The following KANK1 variants were observed in gnomAD, a reference collection of about 807,000 sequenced individuals.
The protein encoded by KANK1 is KN motif and ankyrin repeat domains 1.
KANK1 carries 109 observed loss-of-function variants against 106.2 expected under a neutral mutation model. The observed-to-expected ratio is 1.03, with a 90% CI of 0.88 to 1.20. The LOEUF (loss-of-function observed/expected upper bound fraction) is 1.20. Among genes scored for constraint, KANK1 ranks in the 50% most tolerant of loss-of-function variants. The pLI, the probability that KANK1 is intolerant of heterozygous loss-of-function variation, is 0.00. For missense variants in KANK1, 2,399 were observed against 1,710.7 expected (o/e 1.40, Z -7.10); for synonymous variants, 873 against 652.2 (o/e 1.34, Z -5.16).
chr9:591,093 C>G (rs1245869773), intron 1 of KANK1, among the ~76,000 whole-genome samples: 1 of 151,666 alleles, frequency 6.6e-6, no homozygotes, highest in Non-Finnish European at 1.5e-5. Context: ...GTTTTCTGTT[C>G]ATATCCTTTG....
rs1278223475 is a variant in KANK1 at position 598,713 on chromosome 9, C to G, written c.-83-78177C>G. Among the ~76,000 whole-genome samples the G allele has an allele frequency of 2.2e-5, 3 of 133,936 alleles. No individual in the cohort carries two copies. In the East Asian group the frequency reaches 6.3e-4, roughly 28 times the overall value. The allele number at this position is 133,936 out of a possible 152,430, so 87.9% of individuals were successfully genotyped here. A position where few individuals can be genotyped will look rare whatever the true frequency, so the allele number is the denominator to read the frequency against. On this transcript the variant is annotated intron_variant, in intron 1 of 11. Coordinates refer to ENST00000382297, the MANE Select transcript of KANK1 (RefSeq NM_015158.5). ...TGGCACGACCTCGGCTCACTGCAAC[C>G]TCCTCCTCCTGGGTTCAAGCGATTC...
intron 3 of KANK1, among the ~76,000 whole-genome samples, chr9:490,514 A>C (rs983386467): frequency 1.4e-5 from 2 of 142,304 alleles, no homozygotes; most frequent in African/African-American, 6.2e-5. Flanking sequence ...TCTCAAACTA[A>C]TAATAATAAT....
intron 1 of KANK1, among the ~76,000 whole-genome samples, chr9:559,699 A>T (rs1344952793): frequency 1.3e-5 from 2 of 152,118 alleles, no homozygotes; most frequent in African/African-American, 4.8e-5. Flanking sequence ...AATGAAAAAC[A>T]TGTACATTTT....
At chr9:627,766 C>G (rs1176611672) in intron 1 of KANK1, among the ~76,000 whole-genome samples, 1 of 152,140 alleles carries the variant, frequency 6.6e-6, no homozygotes, top group African/African-American at 2.4e-5. Context: ...TATATCCTGT[C>G]TTGGATTGGT....
intron 1 of KANK1, among the ~76,000 whole-genome samples, chr9:597,240 G>A (rs540236075): frequency 4.3e-4 from 65 of 151,866 alleles, no homozygotes; most frequent in Non-Finnish European, 8.4e-4. Flanking sequence ...TTCATACTTA[G>A]AGGTGTAATT....
intron 1 of KANK1, among the ~76,000 whole-genome samples, chr9:637,122 G>A (rs937285238): frequency 1.3e-5 from 2 of 152,140 alleles, no homozygotes; most frequent in African/African-American, 4.8e-5. Flanking sequence ...AATTTCTGCT[G>A]TATCAGCAGA....
In KANK1 at chr9:695,609, G is replaced by T. The variant is rs552041891; in HGVS notation, c.38-15195G>T. On this transcript the variant is annotated intron_variant, in intron 2 of 11. Transcript: ENST00000382297. The stretch of plus-strand genomic sequence containing the variant: ...CAAATACCTTAAACCCTGACTTCGT[G>T]GGGGGGGGGGCAAGGTATAGAGGAG... Among the ~76,000 whole-genome samples the T allele has an allele frequency of 8.9e-5, 13 of 146,150 alleles. No homozygotes were observed. In the East Asian group the frequency reaches 1.1e-3, roughly 12 times the overall value.
At position 602,467 on chromosome 9, in the gene KANK1, C is replaced by T. The variant is rs1017718687; in HGVS notation, c.-83-74423C>T. 4.0e-5 allele frequency among the ~76,000 whole-genome samples: 6 copies of T among 151,640 alleles called. No individual in the cohort carries two copies. The South Asian group carries it at 1.2e-3, about 32-fold the overall frequency. ...TAGAGATGTGGTTTCACCATGTTGGCCAGGATGGTCTCAATCTCTTGACCT... is the reference window on the plus strand; with the variant it reads ...TAGAGATGTGGTTTCACCATGTTGGTCAGGATGGTCTCAATCTCTTGACCT... On this transcript the variant is annotated intron_variant, in intron 1 of 11. Coordinates refer to ENST00000382297, the MANE Select transcript of KANK1 (RefSeq NM_015158.5).
At chr9:644,890 G>A (rs1261856900) in intron 1 of KANK1, among the ~76,000 whole-genome samples, 1 of 151,076 alleles carries the variant, frequency 6.6e-6, no homozygotes, top group Non-Finnish European at 1.5e-5. Context: ...GGAGGCCGAG[G>A]TGGGCGGATT....
At chr9:651,267 A>G (rs898015648) in intron 1 of KANK1, among the ~76,000 whole-genome samples, 1 of 152,084 alleles carries the variant, frequency 6.6e-6, no homozygotes, top group Admixed American at 6.6e-5. Context: ...TGCATTTTAT[A>G]TTTTTCTTTA....
chr9:690,133 C>CA (rs57837964), intron 2 of KANK1, among the ~76,000 whole-genome samples: 5,235 of 61,550 alleles, frequency 0.085, 322 homozygotes, highest in Middle Eastern at 0.22. Flanking sequence ...TCTAAAAATA[C>CA]AAAAAAAAAA....
chr9:639,193 C>G (rs776351148), intron 1 of KANK1, among the ~76,000 whole-genome samples: 2 of 152,150 alleles, frequency 1.3e-5, no homozygotes, highest in African/African-American at 4.8e-5. Context: ...GATTACATTC[C>G]ACCCTATTTC....
intron 1 of KANK1, among the ~76,000 whole-genome samples, chr9:652,610 G>C (rs999697354): frequency 4.6e-5 from 7 of 152,120 alleles, no homozygotes; most frequent in African/African-American, 1.4e-4. Flanking sequence ...AGATGAAAGG[G>C]GAATACTATG....
chr9:624,130 A>C (rs973437208), intron 1 of KANK1, among the ~76,000 whole-genome samples: 3 of 152,222 alleles, frequency 2.0e-5, no homozygotes, highest in Non-Finnish European at 4.4e-5. Flanking sequence ...ATCCAGACAC[A>C]GAAAAACAAA....
chr9:530,928 C>T (rs10975008), intron 1 of KANK1, among the ~76,000 whole-genome samples: 7,425 of 151,978 alleles, frequency 0.049, 187 homozygotes, highest in African/African-American at 0.058. Context: ...TGCACTCCAT[C>T]GTGGGTGACA....
In KANK1 at chr9:654,325, T is replaced by G. The variant is rs1841604452; in HGVS notation, c.-83-22565T>G. ...TAGAAGGCAGGGTGTTTTCCAAATT[T>G]TGCTGAAGACAAGAATCAGTTGAGA... On this transcript the variant is annotated intron_variant, in intron 1 of 11. Coordinates refer to ENST00000382297, the MANE Select transcript of KANK1 (RefSeq NM_015158.5). Among the ~76,000 whole-genome samples the G allele has an allele frequency of 6.6e-5, 10 of 152,140 alleles. No homozygotes were observed. The South Asian group carries it at 2.1e-3, about 31-fold the overall frequency.
intron 1 of KANK1, among the ~76,000 whole-genome samples, chr9:641,051 G>T (rs1470450727): frequency 6.6e-6 from 1 of 152,090 alleles, no homozygotes; most frequent in Non-Finnish European, 1.5e-5. Flanking sequence ...GCTAAATTTT[G>T]ATGTCAGTTT....
intron 1 of KANK1, among the ~76,000 whole-genome samples, chr9:507,679 C>T (rs2058827908): frequency 6.6e-6 from 1 of 151,884 alleles, no homozygotes; most frequent in African/African-American, 2.4e-5. Flanking sequence ...GCCTCAGCCT[C>T]CCGAGTAGCT....
chr9:495,907 T>C (rs2058453014), intron 3 of KANK1, among the ~76,000 whole-genome samples: 1 of 152,124 alleles, frequency 6.6e-6, no homozygotes, highest in Admixed American at 6.5e-5. Flanking sequence ...GTTTCCTTGC[T>C]GAGGAAGAAA....
Sources: gnomAD v4.1 joint callset for allele counts (sites outside exome capture counted in the v4.1 genomes callset) on GRCh38, gnomAD v4.1.1 for gene constraint, MANE v1.5 for transcripts, NCBI Gene and HGNC (gene_info 2026-07-23, HGNC 2026-07-21) for gene names.